MACROD2: variants seen among roughly 807,000 people sequenced by gnomAD.
MACROD2 encodes the protein ADP-ribose glycohydrolase MACROD2.
MACROD2 carries 36 observed loss-of-function variants against 70.4 expected under a neutral mutation model. That is an observed-to-expected ratio of 0.51 (90% CI 0.39 to 0.68). MACROD2 has a LOEUF of 0.68. Ranked by LOEUF, MACROD2 falls within the 30% of genes least tolerant of loss-of-function variation. The pLI is 0.00. For missense variants in MACROD2, 496 were observed against 538.4 expected (o/e 0.92, Z 0.78); for synonymous variants, 172 against 178.8 (o/e 0.96, Z 0.30).
chr20:15,411,576 C>T lies in MACROD2; in HGVS notation c.541-19829C>T, dbSNP rs376139279. Reference sequence around the variant, plus strand: ...TATGATTGCATGGATTTGAACAAGTCTTATAGAATCCCTTACATATAATGT... The same window carrying T: ...TATGATTGCATGGATTTGAACAAGTTTTATAGAATCCCTTACATATAATGT... On this transcript the variant is annotated intron_variant, in intron 6 of 17. Coordinates refer to ENST00000684519, the MANE Select transcript of MACROD2 (RefSeq NM_001351661.2). Among the ~76,000 whole-genome samples the T allele has an allele frequency of 1.4e-4, 21 of 152,288 alleles. 1 individual carries two copies. The South Asian group carries it at 4.4e-3, about 32-fold the overall frequency.
intron 8 of MACROD2, among the ~76,000 whole-genome samples, chr20:15,749,718 C>T (rs2051239298): frequency 6.6e-6 from 1 of 152,036 alleles, no homozygotes; most frequent in African/African-American, 2.4e-5. Flanking sequence ...TAAAAATCTT[C>T]TTACAAAATG....
chr20:15,466,434 G>A (rs1440894471), intron 7 of MACROD2, among the ~76,000 whole-genome samples: 1 of 152,208 alleles, frequency 6.6e-6, no homozygotes, highest in Non-Finnish European at 1.5e-5. Flanking sequence ...AAGAACACAA[G>A]ATGGTGTGAT....
rs1386186094 is a variant in MACROD2, at chr20:14,177,185, G to A, written c.271+91457G>A. 2.0e-5 allele frequency among the ~76,000 whole-genome samples: 3 copies of A among 151,848 alleles called. No individual in the cohort carries two copies. The South Asian group carries it at 6.2e-4, about 32-fold the overall frequency. ...ATTAGATCCTATATTTGTTGATCAT[G>A]TATTTGTATTGTTACAAACATGTAA... On this transcript the variant is annotated intron_variant, in intron 3 of 17. Coordinates refer to ENST00000684519, the MANE Select transcript of MACROD2 (RefSeq NM_001351661.2).
At chr20:15,307,872 C>T (rs747756960) in intron 6 of MACROD2, among the ~76,000 whole-genome samples, 1 of 152,058 alleles carries the variant, frequency 6.6e-6, no homozygotes, top group Non-Finnish European at 1.5e-5. Context: ...GTGACTTTGA[C>T]ATTTTTGAAG....
At chr20:14,578,108 G>T (rs1026259528) in intron 4 of MACROD2, among the ~76,000 whole-genome samples, 2 of 151,394 alleles carry the variant, frequency 1.3e-5, no homozygotes, top group African/African-American at 2.4e-5. Context: ...AACTTTAAAG[G>T]CTCTTCCAAG....
chr20:15,233,460 A>C (rs1021550320), intron 6 of MACROD2, among the ~76,000 whole-genome samples: 1 of 152,126 alleles, frequency 6.6e-6, no homozygotes, highest in African/African-American at 2.4e-5. Flanking sequence ...ATTCTTGAAT[A>C]GTAGAGAGGG....
chr20:15,790,282 A>G (rs1028009750), intron 8 of MACROD2, among the ~76,000 whole-genome samples: 1 of 151,988 alleles, frequency 6.6e-6, no homozygotes. Flanking sequence ...AATATTCAGC[A>G]TCAAGTTAAA....
chr20:14,477,728 C>T (rs1468977433), intron 3 of MACROD2, among the ~76,000 whole-genome samples: 1 of 152,064 alleles, frequency 6.6e-6, no homozygotes. Flanking sequence ...TAATTTTACT[C>T]ATTGGAGGTT....
At chr20:15,972,547 C>G (rs576135659) in intron 13 of MACROD2, among the ~76,000 whole-genome samples, 2 of 152,170 alleles carry the variant, frequency 1.3e-5, no homozygotes, top group Non-Finnish European at 2.9e-5. Context: ...CAGTGGCTTA[C>G]GCCAGTAATC....
chr20:15,296,140 C>T (rs754032413), intron 6 of MACROD2, among the ~76,000 whole-genome samples: 14 of 152,286 alleles, frequency 9.2e-5, no homozygotes, highest in Non-Finnish European at 1.5e-4. Flanking sequence ...CCTACACCAC[C>T]AGCCCCAGTT....
intron 5 of MACROD2, among the ~76,000 whole-genome samples, chr20:15,229,199 T>C (rs557672262): frequency 6.6e-6 from 1 of 152,292 alleles, no homozygotes; most frequent in East Asian, 1.9e-4. Context: ...AATAGCACAA[T>C]GGCTTGTTGT....
At chr20:14,630,405 A>G (rs1984443457) in intron 4 of MACROD2, among the ~76,000 whole-genome samples, 1 of 152,224 alleles carries the variant, frequency 6.6e-6, no homozygotes, top group Non-Finnish European at 1.5e-5. Context: ...AGAGGAAGAT[A>G]ATTTTAACTA....
intron 5 of MACROD2, among the ~76,000 whole-genome samples, chr20:14,986,980 C>A (rs2074855061): frequency 6.6e-6 from 1 of 152,134 alleles, no homozygotes; most frequent in Non-Finnish European, 1.5e-5. Context: ...ACACACTTGC[C>A]CAGAACTCCT....
intron 5 of MACROD2, among the ~76,000 whole-genome samples, chr20:15,157,351 CCCCCCCCACCT>C (rs1456683093): frequency 6.3e-4 from 6 of 9,482 alleles, no homozygotes; most frequent in African/African-American, 2.8e-3. Flanking sequence ...AATTAACCAC[CCCCCCCCACCT>C]CCCCCCCCCC....
chr20:15,282,070 T>C (rs1463665268), intron 6 of MACROD2, among the ~76,000 whole-genome samples: 1 of 152,242 alleles, frequency 6.6e-6, no homozygotes, highest in African/African-American at 2.4e-5. Flanking sequence ...GAGCTGTACA[T>C]TGGCCCCTTT....
In MACROD2 at chr20:15,979,979, G is replaced by A. The variant is rs189873923; in HGVS notation, c.986-6748G>A. On this transcript the variant is annotated intron_variant, in intron 13 of 17. Transcript: ENST00000684519. ...TACTGCCTTAAAATCCGAGCTCCCC[G>A]AATGCACAATTTCTGTCCCTTTTAA... Among the ~76,000 whole-genome samples the A allele has an allele frequency of 3.7e-3, 556 of 152,276 alleles. 2 individuals are homozygous for A. Among genetic ancestry groups the A allele is most frequent in the Non-Finnish European group, 5.5e-3 (375 of 68,038 alleles).
chr20:15,827,182 T>A (rs141003132), intron 8 of MACROD2, among the ~76,000 whole-genome samples: 225 of 152,268 alleles, frequency 1.5e-3, no homozygotes, highest in African/African-American at 5.2e-3. Flanking sequence ...GAAGAAAAAC[T>A]ATGGTAGTAC....
chr20:15,527,782 A>G (rs528214126), intron 8 of MACROD2, among the ~76,000 whole-genome samples: 6 of 152,374 alleles, frequency 3.9e-5, no homozygotes, highest in African/African-American at 1.4e-4. Flanking sequence ...ACATGAGGCC[A>G]GGAAAGGGAT....
At chr20:14,797,719 G>A (rs1053925223) in intron 5 of MACROD2, among the ~76,000 whole-genome samples, 8 of 152,128 alleles carry the variant, frequency 5.3e-5, no homozygotes, top group Middle Eastern at 3.4e-3. Context: ...TGGGATATGG[G>A]CTATGAAGGA....
Sources: gnomAD v4.1 joint callset for allele counts (sites outside exome capture counted in the v4.1 genomes callset) on GRCh38, gnomAD v4.1.1 for gene constraint, MANE v1.5 for transcripts, NCBI Gene and HGNC (gene_info 2026-07-23, HGNC 2026-07-21) for gene names.